The following APOL2 variants were observed in gnomAD, a reference collection of about 807,000 sequenced individuals.
The protein encoded by APOL2 is apolipoprotein L2.
APOL2 carries 8 observed loss-of-function variants against 7.1 expected under a neutral mutation model. That is an observed-to-expected ratio of 1.12 (90% CI 0.66 to 2.03). The LOEUF is 2.03. APOL2 is among the 30% of genes most tolerant of loss of function. The pLI, the probability that APOL2 is intolerant of heterozygous loss-of-function variation, is 0.00. For missense variants in APOL2, 471 were observed against 415.1 expected, an observed-to-expected ratio of 1.13 and a Z score of -1.17; for synonymous variants, 177 against 159.9, an observed-to-expected ratio of 1.11 and a Z score of -0.81.
intron 1 of APOL2, among the ~76,000 whole-genome samples, chr22:36,235,318 C>T (rs1026509904): frequency 3.9e-5 from 6 of 152,122 alleles, no homozygotes; most frequent in African/African-American, 1.4e-4. Context: ...GACCTGCCCC[C>T]CACCCCGTTC....
At chr22:36,232,871 C>G (rs1345113970) in intron 3 of APOL2, among the ~76,000 whole-genome samples, 1 of 152,004 alleles carries the variant, frequency 6.6e-6, no homozygotes, top group Non-Finnish European at 1.5e-5. Flanking sequence ...TTGCTTGTTC[C>G]ACTTCCTCAT....
chr22:36,230,490 C>T (rs2015180823), intron 4 of APOL2, among the ~76,000 whole-genome samples: 1 of 152,136 alleles, frequency 6.6e-6, no homozygotes, highest in Non-Finnish European at 1.5e-5. Context: ...TCTCTTTCCA[C>T]ACCCTAGTCC....
At chr22:36,228,886 C>T (rs1032063555) in intron 4 of APOL2, among the ~76,000 whole-genome samples, 13 of 152,130 alleles carry the variant, frequency 8.5e-5, no homozygotes. Context: ...TGTGAGATCT[C>T]AGGGAAGGGC....
upstream of APOL2, chr22:36,239,651 A>C (rs1312678035): frequency 8.6e-6 from 6 of 694,538 alleles, no homozygotes; most frequent in Admixed American, 2.2e-5. Context: ...CACCACCTGC[A>C]GTCCAGGCCC....
At chr22:36,238,528 G>A (rs1486169270) in intron 1 of APOL2, among the ~76,000 whole-genome samples, 2 of 152,200 alleles carry the variant, frequency 1.3e-5, no homozygotes, top group Non-Finnish European at 2.9e-5. Context: ...TTGTGACTCT[G>A]ATATTGAAGC....
At chr22:36,235,194 TG>T (rs2015356099) in intron 1 of APOL2, among the ~76,000 whole-genome samples, 1 of 152,128 alleles carries the variant, frequency 6.6e-6, no homozygotes, top group Non-Finnish European at 1.5e-5. Flanking sequence ...TCTACACCAG[TG>T]AAAAAAATCA....
chr22:36,228,275 T>C lies in APOL2; in HGVS notation c.143A>G (p.Glu48Gly). 3.1e-6 allele frequency: 5 copies of C among 1,612,776 alleles called. No homozygotes were observed. The highest frequency in any genetic ancestry group is 4.2e-6 in the Non-Finnish European group (5 of 1,179,372). ...FVAAAELPRD[E>G]ADELRKALNK... Reference sequence around the variant, plus strand: ...CAGAGCTTTACGGAGCTCATCTGCCTCATCCCTGCACAAGGAAAGGTTAAA... The same window carrying C: ...CAGAGCTTTACGGAGCTCATCTGCCCCATCCCTGCACAAGGAAAGGTTAAA... The change falls in exon 5 of 5, where the codon GAG becomes GGG. Residue 48 changes from glutamate (E) to glycine (G), a missense_variant. By Grantham distance (98) the Glu-to-Gly change is moderately conservative. Transcript: ENST00000358502.
chr22:36,230,550 C>CTCTT (rs1336156800), intron 4 of APOL2, among the ~76,000 whole-genome samples: 1 of 152,150 alleles, frequency 6.6e-6, no homozygotes, highest in East Asian at 1.9e-4. Flanking sequence ...CCAAGGCTGA[C>CTCTT]TCTTACTCCA....
chr22:36,227,699 G>T lies in APOL2; in HGVS notation c.719C>A (p.Ala240Asp), dbSNP rs755354104. 1.2e-5 allele frequency: 19 copies of T among 1,614,104 alleles called. No homozygotes were observed. The highest frequency in any genetic ancestry group is 1.5e-5 in the Non-Finnish European group (18 of 1,180,042). Residue 240 changes from alanine (A) to aspartate (D), a missense_variant, in exon 5 of 5, where the codon GCC (alanine) becomes GAC (aspartate). Coordinates refer to ENST00000358502, the MANE Select transcript of APOL2 (RefSeq NM_030882.4). ...TCGCCCAATGACATGCGGGGGTGGG[G>T]CATACGCTCCTAACTGAGGGTTGGC... is the stretch of plus-strand genomic sequence containing the variant. ...ARANPQLGAY[A>D]PPPHVIGRIS...
chr22:36,228,818 T>C (rs535248118), intron 4 of APOL2, among the ~76,000 whole-genome samples: 2 of 152,254 alleles, frequency 1.3e-5, no homozygotes, highest in East Asian at 3.9e-4. Context: ...TGATGGATGA[T>C]AGGGTTTGGG....
chr22:36,237,342 C>G, intron 1 of APOL2: 1 of 1,324,286 alleles, frequency 7.6e-7, no homozygotes, highest in Non-Finnish European at 9.7e-7. Context: ...CATCTCCCTC[C>G]AAGTGGTTGT....
intron 1 of APOL2, among the ~76,000 whole-genome samples, chr22:36,235,846 G>A (rs1045123620): frequency 6.6e-6 from 1 of 151,550 alleles, no homozygotes; most frequent in East Asian, 1.9e-4. Flanking sequence ...AAAGACATGG[G>A]ATCCAGAAAA....
chr22:36,233,230 T>G lies in APOL2; in HGVS notation c.-68A>C, dbSNP rs1603480573. 6.2e-7 allele frequency: 1 copy of G among 1,613,732 alleles called. No homozygotes were observed. The highest frequency in any genetic ancestry group is 8.5e-7 in the Non-Finnish European group (1 of 1,179,894). On this transcript the variant is annotated 5_prime_UTR_variant, in exon 3 of 5. Coordinates refer to ENST00000358502, the MANE Select transcript of APOL2 (RefSeq NM_030882.4). ...TCCAGTCACTGTCCAGACTGGAAGG[T>G]TTTCCTTAACCCTTGAGAACGAGAA...
Position 36,232,209 on chromosome 22 carries a change from G to A in APOL2, c.11-743C>T, listed in dbSNP as rs905498164. Among the ~76,000 whole-genome samples the A allele has an allele frequency of 2.6e-5, 4 of 152,190 alleles. 1 individual carries two copies. The highest frequency in any genetic ancestry group is 9.7e-5 in the African/African-American group (4 of 41,430). On this transcript the variant is annotated intron_variant, in intron 3 of 4. Coordinates refer to ENST00000358502, the MANE Select transcript of APOL2 (RefSeq NM_030882.4). Reference sequence around the variant, plus strand: ...CTCTGACACTTTTTCATCATAACATGAAGCCTCTTCCAGTTTGGTTTTCTC... The same window carrying A: ...CTCTGACACTTTTTCATCATAACATAAAGCCTCTTCCAGTTTGGTTTTCTC...
intron 4 of APOL2, among the ~76,000 whole-genome samples, chr22:36,229,204 C>T (rs544691465): frequency 3.3e-5 from 5 of 152,300 alleles, no homozygotes; most frequent in African/African-American, 9.6e-5. Context: ...GAGGGTCTGA[C>T]CTGCCTTTGG....
At chr22:36,237,056 C>T (rs371847116) in intron 1 of APOL2, 10 of 1,496,544 alleles carry the variant, frequency 6.7e-6, no homozygotes, top group Non-Finnish European at 7.2e-6. Flanking sequence ...GCTGGGGCCT[C>T]GGACCTGCCC....
intron 1 of APOL2, among the ~76,000 whole-genome samples, chr22:36,235,215 T>C (rs2015356819): frequency 2.0e-5 from 3 of 152,206 alleles, no homozygotes; most frequent in Non-Finnish European, 4.4e-5. Context: ...AGAGAGTTCA[T>C]GACTGAAGCA....
intron 4 of APOL2, among the ~76,000 whole-genome samples, 166 bp downstream of exon 4, chr22:36,231,174 C>A (rs1230715783): frequency 6.6e-6 from 1 of 152,216 alleles, no homozygotes; most frequent in Non-Finnish European, 1.5e-5. Context: ...TCACTGCCAG[C>A]GAAGGACATG....
upstream of APOL2, chr22:36,239,900 G>T: frequency 4.8e-6 from 1 of 210,172 alleles, no homozygotes; most frequent in Non-Finnish European, 9.7e-6. Flanking sequence ...GGGGAGAGAA[G>T]TCAGACTCAA....
Sources: allele counts gnomAD v4.1 joint callset (sites outside exome capture counted in the v4.1 genomes callset), GRCh38; gene constraint gnomAD v4.1.1; transcripts MANE v1.5; gene names NCBI Gene and HGNC (gene_info 2026-07-23, HGNC 2026-07-21).